TAFA1: variants seen among roughly 807,000 people sequenced by gnomAD.
The protein encoded by TAFA1 is TAFA chemokine like family member 1, also known as chemokine-like protein TAFA-1.
TAFA1 carries 4 observed loss-of-function variants against 18.5 expected under a neutral mutation model. The ratio of observed to expected loss-of-function variants is 0.22; its 90% confidence interval spans 0.11 to 0.49. The LOEUF is 0.49. Ranked by LOEUF, TAFA1 falls within the 20% of genes least tolerant of loss-of-function variation. TAFA1 has a pLI of 0.98. For synonymous variants in TAFA1, 56 were observed against 55.2 expected (o/e 1.01, Z -0.06); for missense variants, 147 against 169.0 (o/e 0.87, Z 0.72).
intron 2 of TAFA1, among the ~76,000 whole-genome samples, chr3:68,391,974 G>C (rs147773166): frequency 2.0e-5 from 3 of 151,980 alleles, no homozygotes; most frequent in African/African-American, 7.3e-5. Context: ...TAACCAGCTG[G>C]AATCATAATG....
At chr3:68,426,800 C>A (rs2071064392) in intron 3 of TAFA1, among the ~76,000 whole-genome samples, 1 of 151,824 alleles carries the variant, frequency 6.6e-6, no homozygotes, top group South Asian at 2.1e-4. Context: ...ATTGCAATGA[C>A]TTTAGCAACA....
At chr3:68,341,704 C>T (rs914339663) in intron 2 of TAFA1, among the ~76,000 whole-genome samples, 1 of 152,110 alleles carries the variant, frequency 6.6e-6, no homozygotes, top group Admixed American at 6.5e-5. Context: ...AAGACAGCTC[C>T]AAGGTTAGCA....
At chr3:68,390,344 A>T (rs914851482) in intron 2 of TAFA1, among the ~76,000 whole-genome samples, 2 of 152,154 alleles carry the variant, frequency 1.3e-5, no homozygotes, top group African/African-American at 4.8e-5. Context: ...AAAGAAAGGG[A>T]GAAACCCCAG....
At position 68,528,903 on chromosome 3, in the gene TAFA1, A is replaced by G. The variant is rs146673335; in HGVS notation, c.260-9853A>G. On this transcript the variant is annotated intron_variant, in intron 3 of 4. Transcript: ENST00000478136. ...GTAATAAAATTGATGATGCCAATGA[A>G]GATAATGATAGCTAATATTTATTGA... Among the ~76,000 whole-genome samples the G allele has an allele frequency of 2.8e-3, 421 of 152,302 alleles. 3 individuals carry two copies. The highest frequency in any genetic ancestry group is 9.5e-3 in the African/African-American group (393 of 41,582).
chr3:68,092,329 A>G (rs891792361), intron 2 of TAFA1, among the ~76,000 whole-genome samples: 3 of 152,164 alleles, frequency 2.0e-5, no homozygotes, highest in Non-Finnish European at 4.4e-5. Context: ...CCTGAAGAGG[A>G]AAATAGCTCA....
At chr3:68,015,754 G>C (rs1377858332) in intron 2 of TAFA1, among the ~76,000 whole-genome samples, 1 of 152,104 alleles carries the variant, frequency 6.6e-6, no homozygotes, top group East Asian at 1.9e-4. Context: ...AATTTATCTT[G>C]AAACCCAAGA....
chr3:68,336,463 T>A (rs2068970586), intron 2 of TAFA1, among the ~76,000 whole-genome samples: 1 of 152,240 alleles, frequency 6.6e-6, no homozygotes, highest in African/African-American at 2.4e-5. Flanking sequence ...AATCTGAATA[T>A]CTATGTGAAA....
At chr3:68,095,437 G>T (rs2065077396) in intron 2 of TAFA1, among the ~76,000 whole-genome samples, 1 of 152,094 alleles carries the variant, frequency 6.6e-6, no homozygotes, top group East Asian at 1.9e-4. Context: ...GCTGGTCCTG[G>T]AATATTGGGT....
chr3:68,127,155 A>G (rs1349973461), intron 2 of TAFA1, among the ~76,000 whole-genome samples: 1 of 152,140 alleles, frequency 6.6e-6, no homozygotes, highest in African/African-American at 2.4e-5. Flanking sequence ...CACCAATCCA[A>G]ATTATGGAGT....
chr3:68,480,767 G>C (rs2072219919), intron 3 of TAFA1, among the ~76,000 whole-genome samples: 1 of 152,168 alleles, frequency 6.6e-6, no homozygotes, highest in Non-Finnish European at 1.5e-5. Context: ...TTTATAAACT[G>C]ATATGGTTTG....
At chr3:68,121,279 GTGTGTGTGTGTA>G (rs1216491826) in intron 2 of TAFA1, among the ~76,000 whole-genome samples, 2 of 151,624 alleles carry the variant, frequency 1.3e-5, no homozygotes, top group African/African-American at 4.8e-5. Flanking sequence ...GTGTGTGTGT[GTGTGTGTGTGTA>G]TACTATGTAT....
At chr3:68,345,480 C>T (rs953842120) in intron 2 of TAFA1, among the ~76,000 whole-genome samples, 2 of 151,994 alleles carry the variant, frequency 1.3e-5, no homozygotes, top group Non-Finnish European at 2.9e-5. Flanking sequence ...TCCTCTGACT[C>T]GAGGAAAATA....
At chr3:68,479,102 G>A (rs896335275) in intron 3 of TAFA1, among the ~76,000 whole-genome samples, 4 of 149,926 alleles carry the variant, frequency 2.7e-5, no homozygotes, top group Non-Finnish European at 3.0e-5. Flanking sequence ...ATGGTGACGC[G>A]CGCCTGTAGT....
chr3:68,491,194 T>C (rs1475956030), intron 3 of TAFA1, among the ~76,000 whole-genome samples: 1 of 152,128 alleles, frequency 6.6e-6, no homozygotes, highest in Non-Finnish European at 1.5e-5. Context: ...ACTGGGTATA[T>C]ACCCAAAGGA....
intron 2 of TAFA1, among the ~76,000 whole-genome samples, chr3:68,070,742 C>A (rs1212150960): frequency 1.3e-5 from 2 of 152,200 alleles, no homozygotes; most frequent in South Asian, 2.1e-4. Flanking sequence ...ATTTCTTCCT[C>A]CAGATAACCT....
intron 3 of TAFA1, among the ~76,000 whole-genome samples, chr3:68,455,667 G>A (rs538749840): frequency 6.7e-6 from 1 of 149,996 alleles, no homozygotes; most frequent in South Asian, 2.1e-4. Context: ...TTTTTTTTTT[G>A]CCATATACAT....
At chr3:68,083,836 T>C (rs1040354099) in intron 2 of TAFA1, among the ~76,000 whole-genome samples, 7 of 152,328 alleles carry the variant, frequency 4.6e-5, no homozygotes, top group South Asian at 2.1e-4. Flanking sequence ...TTCATGATCA[T>C]GCTTCTTCAT....
chr3:68,009,123 T>G (rs1191374216), intron 2 of TAFA1, among the ~76,000 whole-genome samples: 2 of 152,178 alleles, frequency 1.3e-5, no homozygotes, highest in Non-Finnish European at 2.9e-5. Flanking sequence ...CAACAACTCT[T>G]TTTTTTCTCT....
intron 3 of TAFA1, among the ~76,000 whole-genome samples, chr3:68,427,117 A>G (rs2071071670): frequency 6.6e-6 from 1 of 151,844 alleles, no homozygotes; most frequent in Non-Finnish European, 1.5e-5. Flanking sequence ...CCTAACTGCC[A>G]TAAACTTGTT....
Sources: allele counts gnomAD v4.1 joint callset (sites outside exome capture counted in the v4.1 genomes callset), GRCh38; gene constraint gnomAD v4.1.1; transcripts MANE v1.5; gene names NCBI Gene and HGNC (gene_info 2026-07-23, HGNC 2026-07-21).